SPINK5: variants seen among roughly 807,000 people sequenced by gnomAD.
SPINK5 encodes serine protease inhibitor Kazal-type 5.
A neutral mutation model predicts 151.8 loss-of-function variants in SPINK5; 125 were observed. The ratio of observed to expected loss-of-function variants is 0.82; its 90% CI spans 0.71 to 0.96. The LOEUF is 0.96. Ranked by LOEUF, SPINK5 falls within the 40% of genes least tolerant of loss-of-function variation. SPINK5 has a pLI of 0.00. For synonymous variants in SPINK5, 374 were observed against 395.3 expected, an observed-to-expected ratio of 0.95 and a Z score of 0.64; for missense variants, 1,194 against 1,291.9, an observed-to-expected ratio of 0.92 and a Z score of 1.16.
rs1186085369 is a variant in SPINK5 at position 148,125,810 on chromosome 5, A to C, written c.2827A>C (p.Lys943Gln). 1.2e-6 allele frequency: 2 copies of C among 1,614,076 alleles called. No individual in the cohort carries two copies. The highest frequency in any genetic ancestry group is 2.7e-5 in the African/African-American group (2 of 74,916). Residue 943 changes from lysine to glutamine, a missense_variant, in exon 29 of 33, where the codon AAG (lysine) becomes CAG (glutamine). Physicochemically the swap from Lys to Gln is moderately conservative, Grantham distance 53 (BLOSUM62 1). Coordinates refer to ENST00000256084, the MANE Select transcript of SPINK5 (RefSeq NM_006846.4). ...TGACCCAGTGCACGGTGCTGATGGAAAGTTCTATACAAACAAGTGCTACAT... is the reference window on the plus strand; with the variant it reads ...TGACCCAGTGCACGGTGCTGATGGACAGTTCTATACAAACAAGTGCTACAT... ...ENDPVHGADG[K>Q]FYTNKCYMCR...
At chr5:148,083,389 T>C (rs1753071914) in intron 4 of SPINK5, among the ~76,000 whole-genome samples, 1 of 151,486 alleles carries the variant, frequency 6.6e-6, no homozygotes, top group South Asian at 2.1e-4. Flanking sequence ...TCTTAATTTG[T>C]AGGTTTAGCA....
At chr5:148,067,243 A>G (rs559957471) in intron 2 of SPINK5, among the ~76,000 whole-genome samples, 2 of 152,302 alleles carry the variant, frequency 1.3e-5, no homozygotes, top group South Asian at 4.1e-4. Flanking sequence ...CTGGAGATGG[A>G]CAATAGAAGA....
chr5:148,134,503 T>C (rs1212651108), intron 32 of SPINK5, among the ~76,000 whole-genome samples: 2 of 152,314 alleles, frequency 1.3e-5, no homozygotes, highest in South Asian at 4.1e-4. Flanking sequence ...CAGTTTTTGC[T>C]GTGCTTATAC....
At position 148,119,130 on chromosome 5, in the gene SPINK5, A is replaced by C. The variant is rs545324892; in HGVS notation, c.2313+72A>C. Reference sequence around the variant, plus strand: ...AGCAGTTGGCGATCAAAACTATAGAAGAAGGTGTCAACATGATCAAGCTAG... The same window carrying C: ...AGCAGTTGGCGATCAAAACTATAGACGAAGGTGTCAACATGATCAAGCTAG... On this transcript the variant is annotated intron_variant, in intron 24 of 32. Coordinates refer to ENST00000256084, the MANE Select transcript of SPINK5 (RefSeq NM_006846.4). 24 of 1,433,048 alleles carry C rather than the reference A, an allele frequency of 1.7e-5. No homozygotes were observed. In the East Asian group the frequency reaches 5.0e-4, roughly 30 times the overall value. The allele number at this position is 1,433,048 out of a possible 1,614,324, so 88.8% of individuals were successfully genotyped here.
At chr5:148,081,858 A>G (rs1753030417) in intron 4 of SPINK5, among the ~76,000 whole-genome samples, 1 of 151,760 alleles carries the variant, frequency 6.6e-6, no homozygotes, top group Non-Finnish European at 1.5e-5. Context: ...TATTTAATAC[A>G]AAATTTCCTA....
rs1754503581 is a variant in SPINK5, at chr5:148,128,929, T to C, written c.2964+1850T>C. Among the ~76,000 whole-genome samples the C allele has an allele frequency of 2.0e-5, 3 of 151,804 alleles. No homozygotes were observed. The South Asian group carries it at 6.2e-4, about 32-fold the overall frequency. Reference sequence around the variant, plus strand: ...GGAAAAGCAGATACAATAAATAATATGAATAAATGAAAAAATAATGCCAAG... The same window carrying C: ...GGAAAAGCAGATACAATAAATAATACGAATAAATGAAAAAATAATGCCAAG... On this transcript the variant is annotated intron_variant, in intron 30 of 32. Coordinates refer to ENST00000256084, the MANE Select transcript of SPINK5 (RefSeq NM_006846.4).
Position 148,131,270 on chromosome 5 carries a change from G to A in SPINK5, c.2976G>A (p.Met992Ile). 1.9e-6 allele frequency: 3 copies of A among 1,613,768 alleles called. No homozygotes were observed. The highest frequency in any genetic ancestry group is 2.5e-6 in the Non-Finnish European group (3 of 1,179,724). Reference sequence around the variant, plus strand: ...TTTTGCTTCTTCAGGATTCTGAGATGTGCAAAGACTACCGAGTATTGCCCA... The same window carrying A: ...TTTTGCTTCTTCAGGATTCTGAGATATGCAAAGACTACCGAGTATTGCCCA... ...PDSFSSLDSEMCKDYRVLPRI... is the reference protein window; with the variant it reads ...PDSFSSLDSEICKDYRVLPRI... The change falls in exon 31 of 33, where the codon ATG becomes ATA. Residue 992 changes from methionine to isoleucine, a missense_variant. Coordinates refer to ENST00000256084, the MANE Select transcript of SPINK5 (RefSeq NM_006846.4).
intron 17 of SPINK5, among the ~76,000 whole-genome samples, chr5:148,108,228 T>C (rs1359002639): frequency 6.6e-6 from 1 of 152,196 alleles, no homozygotes; most frequent in Non-Finnish European, 1.5e-5. Flanking sequence ...AGATTAGCAG[T>C]TGAATCTAAC....
In SPINK5 at chr5:148,137,251, A is replaced by G. The variant is rs1210116832; in HGVS notation, c.*260A>G. Reference sequence around the variant, plus strand: ...TCCTGATTACAATGCTGTCTGTCCAACTGCCTGTTCAATAAAAGTAAACTC... The same window carrying G: ...TCCTGATTACAATGCTGTCTGTCCAGCTGCCTGTTCAATAAAAGTAAACTC... On this transcript the variant is annotated 3_prime_UTR_variant, in exon 33 of 33. Transcript: ENST00000256084. The G allele has an allele frequency of 9.1e-6, 5 of 549,066 alleles. No homozygotes were observed. In the East Asian group the frequency reaches 1.5e-4, roughly 16 times the overall value. The allele number at this position is 549,066 out of a possible 1,614,324, so 34.0% of individuals were successfully genotyped here.
chr5:148,070,295 T>G (rs915278346), intron 2 of SPINK5, 28 bp from the exon 3 acceptor site: 1 of 1,610,954 alleles, frequency 6.2e-7, no homozygotes, highest in African/African-American at 1.3e-5. Context: ...TACTTTTAGC[T>G]AACACAACTT....
At chr5:148,098,688 C>G (rs190601789) in intron 11 of SPINK5, among the ~76,000 whole-genome samples, 42 of 151,794 alleles carry the variant, frequency 2.8e-4, no homozygotes, top group African/African-American at 9.7e-4. Flanking sequence ...ACATCTTGTC[C>G]TTTAGATGAA....
At chr5:148,091,988 G>A (rs1012448452) in intron 8 of SPINK5, among the ~76,000 whole-genome samples, 6 of 151,924 alleles carry the variant, frequency 3.9e-5, no homozygotes, top group African/African-American at 7.2e-5. Flanking sequence ...AAGTCAGAAC[G>A]CCTGAGTTTT....
chr5:148,094,047 C>T (rs905045473), intron 8 of SPINK5, among the ~76,000 whole-genome samples: 2 of 151,920 alleles, frequency 1.3e-5, no homozygotes, highest in African/African-American at 4.8e-5. Flanking sequence ...ATAATTTCAA[C>T]ACTTTGGGAG....
At chr5:148,076,964 C>A (rs1222030206) in intron 4 of SPINK5, among the ~76,000 whole-genome samples, 1 of 151,384 alleles carries the variant, frequency 6.6e-6, no homozygotes, top group African/African-American at 2.4e-5. Context: ...CAAAATTATA[C>A]ACTTTTTGAG....
At chr5:148,071,817 C>T (rs759466213) in intron 3 of SPINK5, among the ~76,000 whole-genome samples, 1 of 151,962 alleles carries the variant, frequency 6.6e-6, no homozygotes, top group Non-Finnish European at 1.5e-5. Context: ...TAAGCAGGTT[C>T]AATGTGAATA....
intron 11 of SPINK5, among the ~76,000 whole-genome samples, 190 bp downstream of exon 11, chr5:148,098,184 C>T (rs905487443): frequency 3.3e-5 from 5 of 151,970 alleles, no homozygotes; most frequent in Non-Finnish European, 5.9e-5. Context: ...ACGCCTTGTT[C>T]CTCTGACACT....
At position 148,076,058 on chromosome 5, in the gene SPINK5, A is replaced by G. The variant is rs555945821; in HGVS notation, c.282+3838A>G. Among the ~76,000 whole-genome samples, 7 of 151,560 alleles carry G rather than the reference A, an allele frequency of 4.6e-5. 1 individual carries two copies. In the South Asian group the frequency reaches 1.5e-3, roughly 32 times the overall value. ...GAGATTCGCAAACTCCTAACTGACT[A>G]TAAAGCTGCGCATATCCGCTTAATA... On this transcript the variant is annotated intron_variant, in intron 4 of 32. Coordinates refer to ENST00000256084, the MANE Select transcript of SPINK5 (RefSeq NM_006846.4).
At chr5:148,078,316 A>C (rs557507821) in intron 4 of SPINK5, among the ~76,000 whole-genome samples, 1 of 151,184 alleles carries the variant, frequency 6.6e-6, no homozygotes, top group Admixed American at 6.6e-5. Context: ...AAAAGAAATG[A>C]AAAGAAATGA....
At chr5:148,129,092 G>A (rs1287607956) in intron 30 of SPINK5, among the ~76,000 whole-genome samples, 1 of 152,162 alleles carries the variant, frequency 6.6e-6, no homozygotes, top group Non-Finnish European at 1.5e-5. Context: ...TATTGATTCT[G>A]TAGGTATATC....
Sources: gnomAD v4.1 joint callset for allele counts (sites outside exome capture counted in the v4.1 genomes callset) on GRCh38, gnomAD v4.1.1 for gene constraint, MANE v1.5 for transcripts, NCBI Gene and HGNC (gene_info 2026-07-23, HGNC 2026-07-21) for gene names.